The following PIK3R3 variants were observed in gnomAD, a reference collection of about 807,000 sequenced individuals.
PIK3R3 encodes the protein phosphoinositide-3-kinase regulatory subunit 3.
Under a neutral mutation model 62.9 loss-of-function variants are expected in PIK3R3, and 64 were observed. That is an observed-to-expected ratio of 1.02 (90% CI 0.83 to 1.25). The LOEUF is 1.25. Ranked by LOEUF, PIK3R3 falls within the 50% of genes most tolerant of loss-of-function variation. PIK3R3 has a pLI of 0.00. For missense variants in PIK3R3, 614 were observed against 561.6 expected, an observed-to-expected ratio of 1.09 and a Z score of -0.94; for synonymous variants, 165 against 189.0, an observed-to-expected ratio of 0.87 and a Z score of 1.04.
Position 46,132,593 on chromosome 1 carries a change from C to A in PIK3R3, c.-641G>T. 7.8e-7 allele frequency: 1 copy of A among 1,288,808 alleles called. No individual in the cohort carries two copies. Among genetic ancestry groups the A allele is most frequent in the Non-Finnish European group, 1.0e-6 (1 of 988,386 alleles). The allele number at this position is 1,288,808 out of a possible 1,614,324, so 79.8% of individuals were successfully genotyped here. A position where few individuals can be genotyped will look rare whatever the true frequency, so the allele number is the denominator to read the frequency against. On this transcript the variant is annotated 5_prime_UTR_variant, in exon 1 of 10. Transcript: ENST00000262741. ...GGGCGCTCCCGCCGGGGTGTAAGAA[C>A]CAACCCGACCGCACCAACTGCCCTC...
rs748855044 is a variant in PIK3R3, at chr1:46,043,813, C to G, written c.1246G>C (p.Ala416Pro). ...IYSTARGYGF[A>P]EPYNLYSSLK... The stretch of plus-strand genomic sequence containing the variant: ...GAGCTGTACAGGTTGTAGGGCTCTG[C>G]AAAGCCATAGCCCCGAGCAGTGCTG... Residue 416 changes from alanine to proline, a missense_variant, in exon 10 of 10, where the codon GCA (alanine) becomes CCA (proline). By Grantham distance (27) the Ala-to-Pro change is conservative (BLOSUM62 -1). Transcript: ENST00000262741. 1.9e-6 allele frequency: 3 copies of G among 1,613,984 alleles called. No homozygotes were observed. Among genetic ancestry groups the G allele is most frequent in the East Asian group, 2.2e-5 (1 of 44,892 alleles).
intron 1 of PIK3R3, among the ~76,000 whole-genome samples, chr1:46,097,458 A>G (rs1313738735): frequency 6.6e-6 from 1 of 152,190 alleles, no homozygotes; most frequent in Non-Finnish European, 1.5e-5. Context: ...GAATTTCCTC[A>G]CCTGATAAAG....
At chr1:46,128,898 C>T (rs1400027732) in intron 1 of PIK3R3, among the ~76,000 whole-genome samples, 1 of 152,016 alleles carries the variant, frequency 6.6e-6, no homozygotes, top group African/African-American at 2.4e-5. Context: ...CTGGTGAAAC[C>T]CTGTCTCTAC....
intron 3 of PIK3R3, among the ~76,000 whole-genome samples, chr1:46,071,712 A>AAAT (rs1472807815): frequency 4.1e-5 from 1 of 24,644 alleles, no homozygotes; most frequent in African/African-American, 1.6e-4. Flanking sequence ...AAAAAAAAAA[A>AAAT]ATATATATAT....
intron 1 of PIK3R3, among the ~76,000 whole-genome samples, chr1:46,105,916 T>G (rs1301564562): frequency 6.6e-6 from 1 of 152,092 alleles, no homozygotes; most frequent in African/African-American, 2.4e-5. Flanking sequence ...TGTGTACCCA[T>G]TAAGATATGG....
chr1:46,091,432 T>C (rs934689021), intron 1 of PIK3R3, among the ~76,000 whole-genome samples: 22 of 151,946 alleles, frequency 1.4e-4, no homozygotes, highest in African/African-American at 5.3e-4. Context: ...TGAGCCACCA[T>C]GCCTGGCCCA....
chr1:46,116,642 A>G (rs1250322521), intron 1 of PIK3R3, among the ~76,000 whole-genome samples: 11 of 151,860 alleles, frequency 7.2e-5, no homozygotes, highest in Non-Finnish European at 1.6e-4. Context: ...AGCCTGGGTG[A>G]CAGAGCGAAA....
chr1:46,049,519 T>G (rs529879832), intron 7 of PIK3R3, among the ~76,000 whole-genome samples: 19 of 152,240 alleles, frequency 1.2e-4, no homozygotes, highest in African/African-American at 4.6e-4. Context: ...GGATGGAGAA[T>G]GAGGTTTTAA....
At chr1:46,166,994 A>G in the PIK3R3 span, among the ~76,000 whole-genome samples, 2 of 152,178 alleles carry the variant, frequency 1.3e-5, no homozygotes, top group African/African-American at 2.4e-5. Context: ...GTCCTTCAAG[A>G]TCTTGGCTTC....
At chr1:46,130,552 C>T (rs1655492596) in intron 1 of PIK3R3, among the ~76,000 whole-genome samples, 1 of 148,566 alleles carries the variant, frequency 6.7e-6, no homozygotes. Context: ...CACCATTTAA[C>T]ACTGACTAAT....
At chr1:46,092,416 T>G (rs547521784) in intron 1 of PIK3R3, among the ~76,000 whole-genome samples, 81 of 152,304 alleles carry the variant, frequency 5.3e-4, no homozygotes, top group Non-Finnish European at 9.4e-4. Flanking sequence ...CAGGCTGGAG[T>G]GCAGTGGTGC....
intron 1 of PIK3R3, among the ~76,000 whole-genome samples, chr1:46,107,846 T>C (rs1240205434): frequency 6.6e-6 from 1 of 152,204 alleles, no homozygotes; most frequent in Non-Finnish European, 1.5e-5. Context: ...TAACTAAAAA[T>C]TAAAATTAGA....
At chr1:46,125,517 T>C (rs1441949737) in intron 1 of PIK3R3, among the ~76,000 whole-genome samples, 2 of 152,212 alleles carry the variant, frequency 1.3e-5, no homozygotes, top group Admixed American at 6.5e-5. Flanking sequence ...CTATTTATTC[T>C]ATGTAGCTCT....
intron 3 of PIK3R3, among the ~76,000 whole-genome samples, chr1:46,067,711 G>T (rs1453150416): frequency 6.6e-6 from 1 of 152,090 alleles, no homozygotes; most frequent in African/African-American, 2.4e-5. Flanking sequence ...TCTCAGAAAT[G>T]ACTGTTCAGG....
chr1:46,080,614 C>T lies in PIK3R3; in HGVS notation c.215+28G>A, dbSNP rs776422414. 8.6e-6 allele frequency: 12 copies of T among 1,402,424 alleles called. No individual in the cohort carries two copies. In the South Asian group the frequency reaches 1.4e-4, roughly 17 times the overall value. 86.9% of individuals were successfully genotyped at this position (1,402,424 alleles called of 1,614,324 possible). ...TCAAAAATGACTTTTTAAAAAACTG[C>T]ATTCAATTACAGTAGCATTCTAGTT... On this transcript the variant is annotated intron_variant, in intron 2 of 9. Coordinates refer to ENST00000262741, the MANE Select transcript of PIK3R3 (RefSeq NM_003629.4).
intron 1 of PIK3R3, among the ~76,000 whole-genome samples, chr1:46,109,088 G>A (rs1300430921): frequency 4.6e-5 from 7 of 151,546 alleles, no homozygotes; most frequent in African/African-American, 1.7e-4. Context: ...GAACCCGGGA[G>A]GTGGAGCTTG....
chr1:46,130,379 T>C (rs1382010034), intron 1 of PIK3R3, among the ~76,000 whole-genome samples: 1 of 152,138 alleles, frequency 6.6e-6, no homozygotes, highest in Non-Finnish European at 1.5e-5. Flanking sequence ...ACACAATAGA[T>C]GGGTGGCAAA....
At chr1:46,100,296 C>A (rs565464294) in intron 1 of PIK3R3, among the ~76,000 whole-genome samples, 85 of 152,254 alleles carry the variant, frequency 5.6e-4, no homozygotes, top group Non-Finnish European at 1.0e-3. Context: ...CATCTTTAAT[C>A]ATCACATACA....
intron 1 of PIK3R3, among the ~76,000 whole-genome samples, chr1:46,110,822 T>C (rs1375032611): frequency 3.4e-5 from 5 of 148,034 alleles, no homozygotes; most frequent in Non-Finnish European, 7.4e-5. Flanking sequence ...AGACACAAAA[T>C]GAAAAAAAGC....
Sources: allele counts gnomAD v4.1 joint callset (sites outside exome capture counted in the v4.1 genomes callset), GRCh38; gene constraint gnomAD v4.1.1; transcripts MANE v1.5; gene names NCBI Gene and HGNC (gene_info 2026-07-23, HGNC 2026-07-21).